Variants in DGKZ observed in about 807,000 individuals in gnomAD.
DGKZ encodes diacylglycerol kinase zeta.
DGKZ carries 45 observed loss-of-function variants against 142.5 expected under a neutral mutation model. The ratio of observed to expected loss-of-function variants is 0.32; its 90% CI spans 0.25 to 0.40. The LOEUF (loss-of-function observed/expected upper bound fraction) is 0.40, where lower values mean the gene tolerates loss of function less well. Ranked by LOEUF, DGKZ falls within the 10% of genes least tolerant of loss-of-function variation. DGKZ has a pLI of 1.00. For missense variants in DGKZ, 755 were observed against 1,306.5 expected (o/e 0.58, Z 6.51); for synonymous variants, 442 against 527.0 (o/e 0.84, Z 2.21).
chr11:46,334,514 T>G (rs1414883550), intron 1 of DGKZ, among the ~76,000 whole-genome samples: 1 of 152,196 alleles, frequency 6.6e-6, no homozygotes, highest in Non-Finnish European at 1.5e-5. Context: ...TGCCCAGCCC[T>G]GGGAGCTTGA....
At chr11:46,364,752 G>A (rs1943066352) in intron 1 of DGKZ, 1 of 985,328 alleles carries the variant, frequency 1.0e-6, no homozygotes, top group Non-Finnish European at 1.2e-6. Flanking sequence ...CTTCATCTTT[G>A]CCTTCATCCT....
intron 1 of DGKZ, among the ~76,000 whole-genome samples, chr11:46,362,577 C>A (rs747160520): frequency 2.0e-5 from 3 of 152,238 alleles, no homozygotes; most frequent in Admixed American, 6.5e-5. Context: ...CGCATCCAGA[C>A]CTCCTTTAGG....
intron 27 of DGKZ, 141 bp downstream of exon 27, chr11:46,378,641 T>G (rs1358693265): frequency 1.7e-6 from 2 of 1,158,460 alleles, no homozygotes; most frequent in Non-Finnish European, 2.5e-6. Flanking sequence ...TCTCCAGTGA[T>G]CGTCCCATTC....
intron 1 of DGKZ, chr11:46,366,128 A>T: frequency 7.2e-7 from 1 of 1,397,808 alleles, no homozygotes; most frequent in Non-Finnish European, 9.2e-7. Flanking sequence ...GAGGCTGTGA[A>T]TGGGCTCCTG....
At chr11:46,350,826 G>C (rs1669233116) in intron 1 of DGKZ, among the ~76,000 whole-genome samples, 1 of 151,444 alleles carries the variant, frequency 6.6e-6, no homozygotes, top group Admixed American at 6.6e-5. Flanking sequence ...CATCCTCTCA[G>C]AATCGGGGGG....
At chr11:46,378,794 A>G in intron 27 of DGKZ, 197 bp from the exon 28 acceptor site, 1 of 980,550 alleles carries the variant, frequency 1.0e-6, no homozygotes. Flanking sequence ...GCTGCCAGAG[A>G]GCCCACAGGC....
At chr11:46,369,731 C>G (rs2136474022) in intron 5 of DGKZ, 181 bp downstream of exon 5, 2 of 915,534 alleles carry the variant, frequency 2.2e-6, no homozygotes, top group East Asian at 2.6e-5. Context: ...GGTGGGACAG[C>G]TTGTGCCTCC....
chr11:46,378,884 C>G, intron 27 of DGKZ, 107 bp from the exon 28 acceptor site: 2 of 1,457,084 alleles, frequency 1.4e-6, no homozygotes, highest in Non-Finnish European at 1.8e-6. Context: ...TGTGAGCGCA[C>G]TCGTTTCAGG....
chr11:46,343,105 C>T (rs1359091244), upstream of DGKZ, among the ~76,000 whole-genome samples: 1 of 150,616 alleles, frequency 6.6e-6, no homozygotes, highest in Non-Finnish European at 1.5e-5. Context: ...GCCTGGGTGA[C>T]AGAGTGAGGC....
chr11:46,358,049 G>A (rs1338826455), intron 1 of DGKZ, among the ~76,000 whole-genome samples: 1 of 152,174 alleles, frequency 6.6e-6, no homozygotes, highest in Admixed American at 6.5e-5. Flanking sequence ...TAAAAAGTAT[G>A]GTCCTGGGGG....
chr11:46,371,369 G>A (rs770630905), exon 7 of DGKZ: 14 of 1,613,726 alleles, frequency 8.7e-6, no homozygotes, highest in Non-Finnish European at 1.2e-5. Flanking sequence ...TCAGCTGCTC[G>A]TGGTGCAAGC....
chr11:46,370,094 T>G (rs1943780692), intron 6 of DGKZ, 85 bp downstream of exon 6: 1 of 1,538,210 alleles, frequency 6.5e-7, no homozygotes, highest in African/African-American at 1.4e-5. Flanking sequence ...TGCCGATCAC[T>G]GACCACACCC....
At chr11:46,369,663 A>ACTGAGGTCTGT (rs1230439602) in intron 5 of DGKZ, 113 bp downstream of exon 5, 2 of 1,398,514 alleles carry the variant, frequency 1.4e-6, no homozygotes, top group Non-Finnish European at 2.0e-6. Flanking sequence ...GCTGCTGCTC[A>ACTGAGGTCTGT]CTGAGGTCTG....
At chr11:46,365,576 GAGCTAC>G (rs1650848274) in intron 1 of DGKZ, 1 of 985,296 alleles carries the variant, frequency 1.0e-6, no homozygotes, top group South Asian at 4.7e-5. Context: ...GGTCTCCCCT[GAGCTAC>G]ACATTAGACC....
chr11:46,349,569 A>AAC (rs1660693235), intron 1 of DGKZ, among the ~76,000 whole-genome samples: 2 of 151,712 alleles, frequency 1.3e-5, no homozygotes, highest in African/African-American at 4.9e-5. Flanking sequence ...ACAAAAAAAA[A>AAC]CCAATTTTTT....
intron 1 of DGKZ, among the ~76,000 whole-genome samples, chr11:46,341,526 AG>A (rs1174727257): frequency 1.3e-5 from 2 of 152,368 alleles, no homozygotes; most frequent in East Asian, 3.9e-4. Flanking sequence ...CTTGGAAATC[AG>A]GAAAGAAGAT....
intron 30 of DGKZ, 119 bp from the exon 31 acceptor site, chr11:46,379,712 T>C: frequency 1.6e-6 from 2 of 1,284,616 alleles, no homozygotes; most frequent in Non-Finnish European, 2.1e-6. Context: ...GAGGAGCTGG[T>C]GGGCAGAGAG....
intron 1 of DGKZ, among the ~76,000 whole-genome samples, chr11:46,352,480 C>A (rs1342383374): frequency 6.6e-6 from 1 of 152,212 alleles, no homozygotes; most frequent in Non-Finnish European, 1.5e-5. Context: ...AGCCTCCTGG[C>A]CCCACCCCTC....
chr11:46,348,782 C>G (rs1371716994), intron 1 of DGKZ, among the ~76,000 whole-genome samples: 1 of 152,214 alleles, frequency 6.6e-6, no homozygotes, highest in Admixed American at 6.5e-5. Flanking sequence ...CCAGGAGTAC[C>G]TGACCTGGCT....
Sources: gnomAD v4.1 joint callset for allele counts (sites outside exome capture counted in the v4.1 genomes callset) on GRCh38, gnomAD v4.1.1 for gene constraint, MANE v1.5 for transcripts, NCBI Gene and HGNC (gene_info 2026-07-23, HGNC 2026-07-21) for gene names.